Variants in EIF4B observed in about 807,000 individuals in gnomAD.
The protein encoded by EIF4B is eukaryotic translation initiation factor 4B.
EIF4B carries 8 observed loss-of-function variants against 79.3 expected under a neutral mutation model. The observed-to-expected ratio is 0.10, with a 90% CI of 0.06 to 0.18. The LOEUF is 0.18. Among genes scored for constraint, EIF4B ranks in the 10% least tolerant of loss-of-function variants. The pLI is 1.00. For missense variants in EIF4B, 515 were observed against 792.4 expected, an observed-to-expected ratio of 0.65 and a Z score of 4.20; for synonymous variants, 238 against 274.7, an observed-to-expected ratio of 0.87 and a Z score of 1.32.
intron 6 of EIF4B, among the ~76,000 whole-genome samples, chr12:53,023,188 G>T (rs1328950064): frequency 6.6e-6 from 1 of 152,092 alleles, no homozygotes. Context: ...CAGCATGATT[G>T]CTGAGTGAAG....
At chr12:53,008,231 G>A (rs535705781) in intron 1 of EIF4B, among the ~76,000 whole-genome samples, 7 of 152,330 alleles carry the variant, frequency 4.6e-5, no homozygotes, top group African/African-American at 1.4e-4. Flanking sequence ...AGCAATTCAT[G>A]TCCTTCGTTT....
chr12:53,022,251 C>T, intron 5 of EIF4B: 2 of 697,256 alleles, frequency 2.9e-6, no homozygotes, highest in Non-Finnish European at 5.2e-6. Flanking sequence ...GTATATGTTT[C>T]AGGGACTCCT....
chr12:53,027,495 A>G lies in EIF4B; in HGVS notation c.668-287A>G, dbSNP rs868018654. On this transcript the variant is annotated intron_variant, in intron 6 of 14. Transcript: ENST00000262056. Reference sequence around the variant, plus strand: ...TGGGATCAAACATGGGAGATTCCCAACTGTATTGTTTTAGTGTCTTGTGCT... The same window carrying G: ...TGGGATCAAACATGGGAGATTCCCAGCTGTATTGTTTTAGTGTCTTGTGCT... 6.6e-5 allele frequency among the ~76,000 whole-genome samples: 10 copies of G among 152,150 alleles called. No individual in the cohort carries two copies. In the Middle Eastern group the frequency reaches 0.014, roughly 207 times the overall value.
At chr12:53,024,627 A>T (rs189468272) in intron 6 of EIF4B, among the ~76,000 whole-genome samples, 2 of 152,272 alleles carry the variant, frequency 1.3e-5, no homozygotes, top group East Asian at 1.9e-4. Context: ...GTAAAAACAG[A>T]CCAACTTAAA....
rs112530834 is a variant in EIF4B at position 53,027,624 on chromosome 12, T to G, written c.668-158T>G. Among the ~76,000 whole-genome samples, 514 of 152,316 alleles carry G rather than the reference T, an allele frequency of 3.4e-3. 4 individuals are homozygous for G. Among genetic ancestry groups the G allele is most frequent in the Middle Eastern group, 0.014 (4 of 294 alleles). The stretch of plus-strand genomic sequence containing the variant: ...TTTCCAACCCACCCTTCCCAAATTA[T>G]TAGCTGAGCAACAATTATTTCACCA... On this transcript the variant is annotated intron_variant, in intron 6 of 14. Coordinates refer to ENST00000262056, the MANE Select transcript of EIF4B (RefSeq NM_001417.7).
rs192874870 is a variant in EIF4B at position 53,039,457 on chromosome 12, T to C, written c.1682+114T>C. 7 of 1,219,570 alleles carry C rather than the reference T, an allele frequency of 5.7e-6. No homozygotes were observed. In the African/African-American group the frequency reaches 6.1e-5, roughly 11 times the overall value. The allele number at this position is 1,219,570 out of a possible 1,614,324, so 75.5% of individuals were successfully genotyped here. ...ATCGCTCATTGTGAGCAAACTAAAG[T>C]CAGCCAACGTAGACAGTTAAGATTC... On this transcript the variant is annotated intron_variant, in intron 13 of 14. Coordinates refer to ENST00000262056, the MANE Select transcript of EIF4B (RefSeq NM_001417.7).
At chr12:53,035,312 C>T (rs1214033624) in intron 10 of EIF4B, among the ~76,000 whole-genome samples, 3 of 151,860 alleles carry the variant, frequency 2.0e-5, no homozygotes, top group Non-Finnish European at 4.4e-5. Flanking sequence ...CCTCAGCCTC[C>T]CTAGTAGCTG....
At position 53,022,516 on chromosome 12, in the gene EIF4B, C is replaced by T. The variant is rs1281271303; in HGVS notation, c.556C>T (p.Arg186Cys). The T allele has an allele frequency of 3.7e-6, 6 of 1,612,858 alleles. No homozygotes were observed. The highest frequency in any genetic ancestry group is 1.1e-5 in the South Asian group (1 of 91,014). Reference protein sequence around the residue: ...DKDRDDRSFGRDRNRDSDKTD... With the variant: ...DKDRDDRSFGCDRNRDSDKTD... ...AGACAGGGATGATCGTTCTTTTGGC[C>T]GTGATAGAAATCGGGATTCTGACAA... Residue 186 changes from arginine to cysteine, a missense_variant, in exon 6 of 15, where the codon CGT becomes TGT. By Grantham distance (180) the Arg-to-Cys change is radical. Coordinates refer to ENST00000262056, the MANE Select transcript of EIF4B (RefSeq NM_001417.7).
chr12:53,040,102 T>A (rs1453744556), intron 14 of EIF4B, 41 bp from the exon 15 acceptor site: 16 of 1,610,706 alleles, frequency 9.9e-6, no homozygotes, highest in Non-Finnish European at 1.4e-5. Flanking sequence ...GATGTGATAA[T>A]TCAGGGCCTT....
intron 6 of EIF4B, 58 bp from the exon 7 acceptor site, chr12:53,027,724 T>C: frequency 6.4e-7 from 1 of 1,568,326 alleles, no homozygotes; most frequent in Non-Finnish European, 8.7e-7. Context: ...TAGCTTACCG[T>C]GTTTCTATTA....
chr12:53,007,490 GCTTA>G (rs1942988994), intron 1 of EIF4B, among the ~76,000 whole-genome samples: 1 of 129,426 alleles, frequency 7.7e-6, no homozygotes, highest in Non-Finnish European at 1.5e-5. Flanking sequence ...TTAAAATAGT[GCTTA>G]CTAATGGCTG....
At chr12:53,036,616 A>G (rs1339198233) in intron 10 of EIF4B, among the ~76,000 whole-genome samples, 1 of 151,620 alleles carries the variant, frequency 6.6e-6, no homozygotes, top group Non-Finnish European at 1.5e-5. Context: ...GTCTCACTAC[A>G]CTCCCCAGGC....
Position 53,029,739 on chromosome 12 carries a change from T to C in EIF4B, c.979+1551T>C, listed in dbSNP as rs1027311546. On this transcript the variant is annotated intron_variant, in intron 8 of 14. Transcript: ENST00000262056. ...CTTTGTGGCAATGGCTTTATATCCA[T>C]CATCTCCTGTGATTCCCCAAGAAAG... is the stretch of plus-strand genomic sequence containing the variant. 2.0e-4 allele frequency among the ~76,000 whole-genome samples: 31 copies of C among 152,094 alleles called. 1 individual carries two copies. Among genetic ancestry groups the C allele is most frequent in the Non-Finnish European group, 4.4e-5 (3 of 68,020 alleles).
rs1334078006 is a variant in EIF4B, at chr12:53,041,009, G to C, written c.*786G>C. The C allele has an allele frequency of 1.3e-5, 2 of 152,082 alleles. No individual in the cohort carries two copies. The highest frequency in any genetic ancestry group is 6.5e-5 in the Admixed American group (1 of 15,270). 9.4% of individuals were successfully genotyped at this position (152,082 alleles called of 1,614,324 possible). On this transcript the variant is annotated 3_prime_UTR_variant, in exon 15 of 15. Coordinates refer to ENST00000262056, the MANE Select transcript of EIF4B (RefSeq NM_001417.7). ...GGAGCCGGAAGCACTTGGGGGTCGTGGTAATTCCCAGTGTTTTCTGTGTCC... is the reference window on the plus strand; with the variant it reads ...GGAGCCGGAAGCACTTGGGGGTCGTCGTAATTCCCAGTGTTTTCTGTGTCC...
intron 1 of EIF4B, among the ~76,000 whole-genome samples, chr12:53,009,878 A>T (rs550974705): frequency 3.5e-4 from 54 of 152,226 alleles, no homozygotes; most frequent in Admixed American, 1.0e-3. Context: ...AAAAAGAGGT[A>T]TATTTCATCT....
At chr12:53,009,720 G>T (rs1373697808) in intron 1 of EIF4B, among the ~76,000 whole-genome samples, 1 of 152,138 alleles carries the variant, frequency 6.6e-6, no homozygotes, top group East Asian at 1.9e-4. Context: ...AGATTCCCTA[G>T]TGTCAAGTTC....
chr12:53,017,563 A>G (rs1276217107), intron 2 of EIF4B, among the ~76,000 whole-genome samples: 1 of 152,036 alleles, frequency 6.6e-6, no homozygotes, highest in Non-Finnish European at 1.5e-5. Context: ...CTGAAAGAAT[A>G]TTTTTTCCTA....
intron 6 of EIF4B, among the ~76,000 whole-genome samples, chr12:53,024,534 T>A (rs1345899977): frequency 6.6e-6 from 1 of 152,254 alleles, no homozygotes; most frequent in Non-Finnish European, 1.5e-5. Context: ...TGGCAAAATA[T>A]GACATTCACT....
intron 8 of EIF4B, 143 bp downstream of exon 8, chr12:53,028,331 C>A: frequency 8.5e-7 from 1 of 1,173,470 alleles, no homozygotes; most frequent in Non-Finnish European, 1.2e-6. Flanking sequence ...GTAGAAAGAG[C>A]ATTGGCTGGC....
Sources: allele counts gnomAD v4.1 joint callset (sites outside exome capture counted in the v4.1 genomes callset), GRCh38; gene constraint gnomAD v4.1.1; transcripts MANE v1.5; gene names NCBI Gene and HGNC (gene_info 2026-07-23, HGNC 2026-07-21).